DAZAP2: variants seen among roughly 807,000 people sequenced by gnomAD.
DAZAP2 encodes DAZ-associated protein 2.
A neutral mutation model predicts 16.2 loss-of-function variants in DAZAP2; 3 were observed. The observed-to-expected ratio is 0.19, with a 90% CI of 0.08 to 0.48. The LOEUF is 0.48. DAZAP2 is among the 20% of genes least tolerant of loss of function. The pLI is 0.98. For synonymous variants in DAZAP2, 69 were observed against 77.6 expected (o/e 0.89, Z 0.58); for missense variants, 172 against 215.9 (o/e 0.80, Z 1.27).
In DAZAP2 at chr12:51,243,564, T is replaced by C; in HGVS notation, c.*1106T>C. 2.0e-6 allele frequency: 2 copies of C among 985,490 alleles called. No homozygotes were observed. The highest frequency in any genetic ancestry group is 2.4e-6 in the Non-Finnish European group (2 of 829,694). The allele number at this position is 985,490 out of a possible 1,614,324, so 61.0% of individuals were successfully genotyped here. On this transcript the variant is annotated 3_prime_UTR_variant, in exon 4 of 4. Transcript: ENST00000412716. ...ATCCTTAATGTTTTGATTTTTGTTT[T>C]CTGAAATTGGATTTTATTTTATTTT...
At chr12:51,240,261 C>G in intron 1 of DAZAP2, 82 bp from the exon 2 acceptor site, 1 of 1,084,412 alleles carries the variant, frequency 9.2e-7, no homozygotes, top group Non-Finnish European at 1.4e-6. Context: ...CTTGCTCCCA[C>G]TAAGTTAGCT....
At chr12:51,245,861 T>A, downstream of DAZAP2, 1 of 1,489,556 alleles carries the variant, frequency 6.7e-7, no homozygotes, top group Non-Finnish European at 9.1e-7. Flanking sequence ...CTCCCTGGCT[T>A]CAGAGAAAAC....
At position 51,242,491 on chromosome 12, in the gene DAZAP2, A is replaced by G; in HGVS notation, c.*33A>G. 1 of 1,613,876 alleles carries G rather than the reference A, an allele frequency of 6.2e-7. No homozygotes were observed. The highest frequency in any genetic ancestry group is 1.1e-5 in the South Asian group (1 of 91,070). On this transcript the variant is annotated 3_prime_UTR_variant, in exon 4 of 4. Transcript: ENST00000412716. ...AGGCCACCTCTGTGCCGGGAAAGAC[A>G]TCACATACCTTCAGCACTTCTCACA...
In DAZAP2 at chr12:51,241,134, A is replaced by G; in HGVS notation, c.378+18A>G. On this transcript the variant is annotated intron_variant, in intron 3 of 3. Transcript: ENST00000412716. ...ACATTCCTGTGAGTATGACCTCATC[A>G]GAAGAAACTCAGCCCTTGTGTATTT... 6.2e-7 allele frequency: 1 copy of G among 1,611,806 alleles called. No individual in the cohort carries two copies. Among genetic ancestry groups the G allele is most frequent in the South Asian group, 1.1e-5 (1 of 90,974 alleles).
chr12:51,242,779 A>G lies in DAZAP2; in HGVS notation c.*321A>G. On this transcript the variant is annotated 3_prime_UTR_variant, in exon 4 of 4. Coordinates refer to ENST00000412716, the MANE Select transcript of DAZAP2 (RefSeq NM_014764.4). The stretch of plus-strand genomic sequence containing the variant: ...TGGTCTTTGCTTTTAGTAATAAAAC[A>G]TCAAATTAGGTTTGGAGGGAACTTT... 7.1e-7 allele frequency: 1 copy of G among 1,409,678 alleles called. No homozygotes were observed. Among genetic ancestry groups the G allele is most frequent in the Non-Finnish European group, 9.2e-7 (1 of 1,088,518 alleles). The allele number at this position is 1,409,678 out of a possible 1,614,324, so 87.3% of individuals were successfully genotyped here. A position where few individuals can be genotyped will look rare whatever the true frequency, so the allele number is the denominator to read the frequency against.
At chr12:51,239,909 C>A (rs935531553) in intron 1 of DAZAP2, 7 of 173,782 alleles carry the variant, frequency 4.0e-5, no homozygotes, top group Admixed American at 1.7e-4. Context: ...GTTTGGAAGT[C>A]GACCTTGAAT....
intron 3 of DAZAP2, 43 bp downstream of exon 3, chr12:51,241,159 T>C: frequency 6.3e-7 from 1 of 1,599,712 alleles, no homozygotes; most frequent in Non-Finnish European, 8.5e-7. Context: ...CTTGTGTATT[T>C]TAACTTTCTG....
At chr12:51,240,138 C>T (rs1405118691) in intron 1 of DAZAP2, 13 of 579,300 alleles carry the variant, frequency 2.2e-5, no homozygotes, top group Non-Finnish European at 3.4e-5. Context: ...CAGTGCCTTT[C>T]TTGTCTCGTT....
intron 1 of DAZAP2, 28 bp downstream of exon 1, chr12:51,238,948 C>A: frequency 1.2e-6 from 2 of 1,612,750 alleles, no homozygotes; most frequent in Non-Finnish European, 8.5e-7. Flanking sequence ...CAGAGGCCGT[C>A]GGGGGGAGTA....
chr12:51,240,830 G>A (rs762165727), intron 2 of DAZAP2, 41 bp from the exon 3 acceptor site: 1 of 1,600,484 alleles, frequency 6.2e-7, no homozygotes, highest in South Asian at 1.1e-5. Flanking sequence ...AAATAGGAAT[G>A]TCATAAAGTA....
Position 51,240,915 on chromosome 12 carries a change from C to T in DAZAP2, c.177C>T (p.Pro59=). ...SFVHPGAATV[P]TMSAAFPGAS... ...TGCACCCAGGGGCTGCCACAGTCCC[C>T]ACCATGTCAGCCGCATTTCCTGGAG... Residue 59 remains proline (P), a synonymous_variant, in exon 3 of 4, where the codon CCC becomes CCT. Transcript: ENST00000412716. 1 of 1,614,218 alleles carries T rather than the reference C, an allele frequency of 6.2e-7. No homozygotes were observed.
At chr12:51,239,222 C>T in intron 1 of DAZAP2, 2 of 406,746 alleles carry the variant, frequency 4.9e-6, no homozygotes, top group African/African-American at 2.1e-5. Flanking sequence ...CGCAGGCATT[C>T]GCGTAGGCCA....
At chr12:51,245,746 T>A, downstream of DAZAP2, 2 of 574,788 alleles carry the variant, frequency 3.5e-6, no homozygotes, top group Non-Finnish European at 6.1e-6. Flanking sequence ...GTTAAAGATA[T>A]CATAAACAGC....
downstream of DAZAP2, chr12:51,245,853 C>T: frequency 1.4e-6 from 2 of 1,452,048 alleles, no homozygotes; most frequent in Non-Finnish European, 1.9e-6. Context: ...CAATGCTTCT[C>T]CCTGGCTTCA....
At position 51,238,999 on chromosome 12, in the gene DAZAP2, C is replaced by T. The variant is rs1218300898; in HGVS notation, c.13+79C>T. On this transcript the variant is annotated intron_variant, in intron 1 of 3. Transcript: ENST00000412716. The stretch of plus-strand genomic sequence containing the variant: ...GAGCGGATTCGGAGCCCAGGGTCAC[C>T]AAACGCCAGGTTTGGGGTGGGCTGC... 31 of 1,585,046 alleles carry T rather than the reference C, an allele frequency of 2.0e-5. No individual in the cohort carries two copies. In the East Asian group the frequency reaches 3.6e-4, roughly 18 times the overall value.
intron 1 of DAZAP2, 179 bp from the exon 2 acceptor site, chr12:51,240,164 C>A: frequency 1.6e-6 from 1 of 608,906 alleles, no homozygotes; most frequent in East Asian, 2.7e-5. Flanking sequence ...CCAGCACCTT[C>A]CATTTTAAGG....
downstream of DAZAP2, chr12:51,245,643 G>GA: frequency 3.1e-6 from 1 of 319,902 alleles, no homozygotes; most frequent in Non-Finnish European, 5.9e-6. Flanking sequence ...TTCAACCTGT[G>GA]AAAAAAGATG....
In DAZAP2 at chr12:51,242,969, C is replaced by G. The variant is rs1352851703; in HGVS notation, c.*511C>G. 2 of 1,067,236 alleles carry G rather than the reference C, an allele frequency of 1.9e-6. No homozygotes were observed. The highest frequency in any genetic ancestry group is 2.3e-6 in the Non-Finnish European group (2 of 882,256). 66.1% of individuals were successfully genotyped at this position (1,067,236 alleles called of 1,614,324 possible). A position where few individuals can be genotyped will look rare whatever the true frequency, so the allele number is the denominator to read the frequency against. The stretch of plus-strand genomic sequence containing the variant: ...CATCTCCAACCCTAGTCTTCCATTT[C>G]CTCCCGCCAGTCTCCATTGAATCAA... On this transcript the variant is annotated 3_prime_UTR_variant, in exon 4 of 4. Transcript: ENST00000412716.
downstream of DAZAP2, chr12:51,246,481 A>G: frequency 2.3e-6 from 1 of 440,350 alleles, no homozygotes; most frequent in South Asian, 4.7e-5. Context: ...AACCAACCAC[A>G]TATATCCTCG....
Sources: gnomAD v4.1 joint callset for allele counts on GRCh38, gnomAD v4.1.1 for gene constraint, MANE v1.5 for transcripts, NCBI Gene and HGNC (gene_info 2026-07-23, HGNC 2026-07-21) for gene names.